KCNH5: variants seen among roughly 807,000 people sequenced by gnomAD.
The protein encoded by KCNH5 is potassium voltage-gated channel subfamily H member 5, also known as voltage-gated delayed rectifier potassium channel KCNH5.
A neutral mutation model predicts 96.1 loss-of-function variants in KCNH5; 46 were observed. That is an observed-to-expected ratio of 0.48 (90% CI 0.38 to 0.61). The LOEUF (loss-of-function observed/expected upper bound fraction) is 0.61. KCNH5 is among the 20% of genes least tolerant of loss of function. The pLI, the probability that KCNH5 is intolerant of heterozygous loss-of-function variation, is 0.00. For missense variants in KCNH5, 907 were observed against 1,225.8 expected, an observed-to-expected ratio of 0.74 and a Z score of 3.88; for synonymous variants, 439 against 449.8, an observed-to-expected ratio of 0.98 and a Z score of 0.30.
At chr14:62,807,244 AC>A (rs2140004167) in intron 8 of KCNH5, among the ~76,000 whole-genome samples, 1 of 152,266 alleles carries the variant, frequency 6.6e-6, no homozygotes, top group African/African-American at 2.4e-5. Flanking sequence ...ATGAACCTAA[AC>A]ACAGTAACCC....
intron 6 of KCNH5, among the ~76,000 whole-genome samples, chr14:62,979,051 C>T (rs1315819031): frequency 2.0e-5 from 3 of 152,124 alleles, no homozygotes; most frequent in African/African-American, 4.8e-5. Flanking sequence ...ACCATCTCTC[C>T]ATTCACCCCA....
In KCNH5 at chr14:62,950,200, T is replaced by A. The variant is rs754439480; in HGVS notation, c.1302A>T (p.Gly434=). The A allele has an allele frequency of 1.9e-6, 3 of 1,613,892 alleles. No individual in the cohort carries two copies. The highest frequency in any genetic ancestry group is 2.5e-6 in the Non-Finnish European group (3 of 1,179,916). ...CTGTGGTAGGAGCTATGTTTCCAAA[T>A]CCTATGGTTGTAAGGCTTGTCATGG... ...YFTMTSLTTI[G]FGNIAPTTDV... Residue 434 remains glycine (G), a synonymous_variant, in exon 7 of 11, where the codon GGA becomes GGT. Transcript: ENST00000322893.
At chr14:62,891,469 T>C (rs923981264) in intron 7 of KCNH5, among the ~76,000 whole-genome samples, 3 of 152,072 alleles carry the variant, frequency 2.0e-5, no homozygotes, top group Non-Finnish European at 4.4e-5. Flanking sequence ...GCTTCATTCC[T>C]GGGTGATAAA....
chr14:62,863,651 T>C (rs544437034), intron 7 of KCNH5, among the ~76,000 whole-genome samples: 14 of 152,212 alleles, frequency 9.2e-5, no homozygotes, highest in African/African-American at 3.4e-4. Context: ...GACTATACTA[T>C]GGTATTATAA....
rs1157219696 is a variant in KCNH5, at chr14:62,950,089, T to C, written c.1369+44A>G. On this transcript the variant is annotated intron_variant, in intron 7 of 10. Coordinates refer to ENST00000322893, the MANE Select transcript of KCNH5 (RefSeq NM_139318.5). ...CTATCTGAGATTGTAGCCAGGAAAA[T>C]TGCCAATAACAATAATTTTCAATGA... 5 of 1,557,872 alleles carry C rather than the reference T, an allele frequency of 3.2e-6. No individual in the cohort carries two copies. In the African/African-American group the frequency reaches 6.8e-5, roughly 21 times the overall value.
chr14:62,957,909 A>C (rs1161229797), intron 6 of KCNH5, among the ~76,000 whole-genome samples: 2 of 152,204 alleles, frequency 1.3e-5, no homozygotes, highest in Non-Finnish European at 2.9e-5. Context: ...TGAACTGCAG[A>C]CTCATGAGTT....
chr14:62,808,786 C>T (rs1160949834), intron 8 of KCNH5, among the ~76,000 whole-genome samples: 1 of 151,996 alleles, frequency 6.6e-6, no homozygotes, highest in East Asian at 1.9e-4. Context: ...AACCAAAGTT[C>T]CTTATCAATT....
chr14:62,856,383 C>G (rs1887928134), intron 7 of KCNH5, among the ~76,000 whole-genome samples: 1 of 152,146 alleles, frequency 6.6e-6, no homozygotes, highest in African/African-American at 2.4e-5. Context: ...TAAATCTTGC[C>G]AAGTGATATT....
chr14:62,962,412 C>G (rs1282061721), intron 6 of KCNH5, among the ~76,000 whole-genome samples: 1 of 152,056 alleles, frequency 6.6e-6, no homozygotes, highest in Non-Finnish European at 1.5e-5. Context: ...TAATTAAAAC[C>G]AGAAATTGCA....
At chr14:62,969,199 A>T (rs1890357332) in intron 6 of KCNH5, among the ~76,000 whole-genome samples, 1 of 152,174 alleles carries the variant, frequency 6.6e-6, no homozygotes, top group Admixed American at 6.5e-5. Context: ...AATTTAAAAT[A>T]ATTTGAACTA....
At chr14:62,836,623 T>C (rs1028576381) in intron 8 of KCNH5, among the ~76,000 whole-genome samples, 2 of 152,138 alleles carry the variant, frequency 1.3e-5, no homozygotes. Context: ...TCCTTCTCTA[T>C]GTTAAGAAAG....
At chr14:62,911,765 G>T (rs573465540) in intron 7 of KCNH5, among the ~76,000 whole-genome samples, 1 of 150,768 alleles carries the variant, frequency 6.6e-6, no homozygotes, top group Non-Finnish European at 1.5e-5. Context: ...AGCTGGGCAC[G>T]GTGGCTCACA....
At chr14:62,870,903 A>G (rs1056022129) in intron 7 of KCNH5, among the ~76,000 whole-genome samples, 3 of 152,200 alleles carry the variant, frequency 2.0e-5, no homozygotes, top group African/African-American at 7.2e-5. Flanking sequence ...TGAAGTCAAG[A>G]TTCCAACACA....
intron 8 of KCNH5, among the ~76,000 whole-genome samples, chr14:62,847,892 A>C (rs901610116): frequency 6.6e-6 from 1 of 152,240 alleles, no homozygotes; most frequent in Admixed American, 6.5e-5. Flanking sequence ...GACACACTGC[A>C]TGCCAGTGCA....
chr14:62,742,204 T>G (rs574387563), intron 10 of KCNH5, among the ~76,000 whole-genome samples: 152 of 152,330 alleles, frequency 1.0e-3, no homozygotes, highest in African/African-American at 3.0e-3. Context: ...GTTCCACTTA[T>G]TTTAGATTTT....
intron 7 of KCNH5, among the ~76,000 whole-genome samples, chr14:62,863,218 T>A (rs1458180869): frequency 6.6e-6 from 1 of 152,188 alleles, no homozygotes; most frequent in African/African-American, 2.4e-5. Flanking sequence ...TCTGGACACA[T>A]AACTATGCTA....
At chr14:62,812,867 TCA>T (rs1886900964) in intron 8 of KCNH5, among the ~76,000 whole-genome samples, 1 of 152,168 alleles carries the variant, frequency 6.6e-6, no homozygotes, top group Admixed American at 6.6e-5. Context: ...TGACTCATTA[TCA>T]CATTATAATC....
At chr14:62,867,648 G>C (rs1299550343) in intron 7 of KCNH5, among the ~76,000 whole-genome samples, 1 of 152,066 alleles carries the variant, frequency 6.6e-6, no homozygotes, top group African/African-American at 2.4e-5. Flanking sequence ...TCATGTCACT[G>C]ACCTGCTGAA....
At chr14:62,811,747 A>C (rs1886877286) in intron 8 of KCNH5, among the ~76,000 whole-genome samples, 1 of 152,160 alleles carries the variant, frequency 6.6e-6, no homozygotes, top group South Asian at 2.1e-4. Flanking sequence ...TATGCTCAAC[A>C]TATAAATTAG....
Sources: allele counts gnomAD v4.1 joint callset (sites outside exome capture counted in the v4.1 genomes callset), GRCh38; gene constraint gnomAD v4.1.1; transcripts MANE v1.5; gene names NCBI Gene and HGNC (gene_info 2026-07-23, HGNC 2026-07-21).